The following ANKRD11 variants were observed in gnomAD, a reference collection of about 807,000 sequenced individuals.
ANKRD11 encodes ankyrin repeat domain-containing protein 11.
ANKRD11 carries 17 observed loss-of-function variants against 195.7 expected under a neutral mutation model. That is an observed-to-expected ratio of 0.09 (90% CI 0.06 to 0.13). The LOEUF is 0.13. ANKRD11 is among the 10% of genes least tolerant of loss of function. ANKRD11 has a pLI of 1.00. For synonymous variants in ANKRD11, 1,953 were observed against 1,528.1 expected, an observed-to-expected ratio of 1.28 and a Z score of -6.49; for missense variants, 3,735 against 3,566.1, an observed-to-expected ratio of 1.05 and a Z score of -1.21.
chr16:89,480,559 T>G (rs1219077437), intron 1 of ANKRD11, among the ~76,000 whole-genome samples: 2 of 152,144 alleles, frequency 1.3e-5, no homozygotes, highest in African/African-American at 4.8e-5. Context: ...TGCATAGAAG[T>G]AACAGAAGAT....
chr16:89,462,033 C>A (rs997785608), intron 1 of ANKRD11, among the ~76,000 whole-genome samples: 1 of 141,906 alleles, frequency 7.0e-6, no homozygotes, highest in Admixed American at 7.2e-5. Context: ...CCTCTCCCTC[C>A]CCCTCTCCCT....
At chr16:89,326,377 C>T (rs545246811) in intron 2 of ANKRD11, among the ~76,000 whole-genome samples, 19 of 151,922 alleles carry the variant, frequency 1.3e-4, no homozygotes, top group African/African-American at 3.9e-4. Flanking sequence ...ACGCAGCCAC[C>T]GCCCCCCCCA....
At chr16:89,440,065 C>T (rs2043380156) in intron 1 of ANKRD11, among the ~76,000 whole-genome samples, 1 of 152,200 alleles carries the variant, frequency 6.6e-6, no homozygotes, top group Non-Finnish European at 1.5e-5. Flanking sequence ...GAGGAGATCA[C>T]AGCCTTTCAG....
intron 4 of ANKRD11, chr16:89,301,079 A>G (rs2035825701): frequency 3.7e-6 from 2 of 538,664 alleles, no homozygotes; most frequent in Non-Finnish European, 6.5e-6. Flanking sequence ...AACCTCAAAA[A>G]CATTCGCTGG....
intron 2 of ANKRD11, among the ~76,000 whole-genome samples, chr16:89,318,566 C>G (rs1177408780): frequency 2.0e-5 from 2 of 100,892 alleles, no homozygotes; most frequent in South Asian, 3.4e-4. Flanking sequence ...GCAGACCCAT[C>G]TGTGAGTGGC....
At chr16:89,392,334 C>T (rs1330584601) in intron 2 of ANKRD11, 2 of 152,436 alleles carry the variant, frequency 1.3e-5, no homozygotes, top group African/African-American at 2.4e-5. Context: ...TTCAAACACA[C>T]TGATGGCCCA....
At position 89,291,969 on chromosome 16, in the gene ANKRD11, C is replaced by T. The variant is rs561986411; in HGVS notation, c.227-786G>A. Among the ~76,000 whole-genome samples the T allele has an allele frequency of 3.9e-5, 6 of 152,336 alleles. No individual in the cohort carries two copies. In the South Asian group the frequency reaches 1.2e-3, roughly 32 times the overall value. On this transcript the variant is annotated intron_variant, in intron 4 of 12. Coordinates refer to ENST00000301030, the MANE Select transcript of ANKRD11 (RefSeq NM_013275.6). This position sits in a 1 kb window ranked among gnomAD's most constrained non-coding sequence, Gnocchi z 5.3. ...GGCAGGGGCGGGGAAGAGAAGACCC[C>T]AAGCACCAAGAGTCGGGGGCACAGA...
chr16:89,366,524 A>T (rs368335115), intron 2 of ANKRD11, among the ~76,000 whole-genome samples: 2 of 152,284 alleles, frequency 1.3e-5, no homozygotes, highest in South Asian at 4.2e-4. Flanking sequence ...AGCCATGCTG[A>T]CTGGTGTGAG....
chr16:89,418,938 T>C (rs2042405999), intron 1 of ANKRD11, among the ~76,000 whole-genome samples: 1 of 151,942 alleles, frequency 6.6e-6, no homozygotes, highest in Non-Finnish European at 1.5e-5. Context: ...CCCCGGCTGA[T>C]CTGGACCTCC....
At chr16:89,287,329 T>C in intron 7 of ANKRD11, 2 of 338,078 alleles carry the variant, frequency 5.9e-6, no homozygotes, top group South Asian at 2.4e-5. Context: ...GCCTGCAAGA[T>C]GACCTAGGAC....
chr16:89,473,107 G>A (rs1285578023), intron 1 of ANKRD11, among the ~76,000 whole-genome samples: 3 of 151,836 alleles, frequency 2.0e-5, no homozygotes, highest in Admixed American at 1.3e-4. Context: ...TTGAGCCCAG[G>A]AGGTCAAGGC....
intron 2 of ANKRD11, among the ~76,000 whole-genome samples, chr16:89,346,048 G>C (rs533224336): frequency 1.6e-4 from 25 of 151,842 alleles, no homozygotes; most frequent in Admixed American, 1.6e-3. Flanking sequence ...TTGAGACCAG[G>C]CTGGCCAACA....
intron 1 of ANKRD11, among the ~76,000 whole-genome samples, chr16:89,426,959 C>T (rs536491273): frequency 1.0e-3 from 158 of 152,242 alleles, no homozygotes; most frequent in Non-Finnish European, 2.0e-3. Context: ...CACCTGTTAC[C>T]AGCCTGTCTT....
intron 2 of ANKRD11, among the ~76,000 whole-genome samples, chr16:89,405,704 G>A (rs1042235833): frequency 1.1e-4 from 17 of 151,994 alleles, no homozygotes; most frequent in African/African-American, 4.1e-4. Context: ...GACAATTCAG[G>A]AAATGCACCA....
intron 2 of ANKRD11, among the ~76,000 whole-genome samples, chr16:89,366,983 T>G (rs936378445): frequency 3.9e-5 from 6 of 152,224 alleles, no homozygotes; most frequent in African/African-American, 1.4e-4. Context: ...GTCCGCTGAT[T>G]GTGGTTTGCC....
chr16:89,398,476 T>C (rs1359340279), intron 2 of ANKRD11, among the ~76,000 whole-genome samples: 11 of 147,638 alleles, frequency 7.5e-5, no homozygotes, highest in Non-Finnish European at 7.4e-5. Flanking sequence ...CTCAGCACTC[T>C]GGAAGGCTGA....
In ANKRD11 at chr16:89,281,024, C is replaced by T. The variant is rs144003224; in HGVS notation, c.5518G>A (p.Ala1840Thr). ...GGCGACAAGCAGGCAAACTTCTCCG[C>T]GGGAACCGGGGGCAGGGGCGCCCTG... ...EDRAPLPPVPAEKFACLSPGY... is the reference protein window; with the variant it reads ...EDRAPLPPVPTEKFACLSPGY... Residue 1840 changes from alanine to threonine, a missense_variant, in exon 9 of 13, where the codon GCG becomes ACG. By Grantham distance (58) the Ala-to-Thr change is moderately conservative (BLOSUM62 0). Coordinates refer to ENST00000301030, the MANE Select transcript of ANKRD11 (RefSeq NM_013275.6). This position sits in a 1 kb window ranked among gnomAD's most constrained non-coding sequence, Gnocchi z 5.5. The T allele has an allele frequency of 5.1e-5, 82 of 1,593,548 alleles. No homozygotes were observed. The African/African-American group carries it at 5.9e-4, about 12-fold the overall frequency.
Position 89,336,709 on chromosome 16 carries a change from C to T in ANKRD11, c.-59-19631G>A, listed in dbSNP as rs573995359. Among the ~76,000 whole-genome samples, 52 of 152,314 alleles carry T rather than the reference C, an allele frequency of 3.4e-4. 1 individual carries two copies. In the South Asian group the frequency reaches 0.01, roughly 30 times the overall value. On this transcript the variant is annotated intron_variant, in intron 2 of 12. Coordinates refer to ENST00000301030, the MANE Select transcript of ANKRD11 (RefSeq NM_013275.6). ...GGAGACCCGGCCTGTCCTAAAAGCA[C>T]GCCCTACAAGGAGTCCCCACTCTCT...
chr16:89,315,490 C>T (rs1158512383), intron 3 of ANKRD11, among the ~76,000 whole-genome samples: 1 of 152,190 alleles, frequency 6.6e-6, no homozygotes, highest in Non-Finnish European at 1.5e-5. Context: ...CAGGACACGC[C>T]CATCACGACC....
Sources: gnomAD v4.1 joint callset for allele counts (sites outside exome capture counted in the v4.1 genomes callset) on GRCh38, gnomAD v4.1.1 for gene constraint, Gnocchi (gnomAD v3.1) non-coding constraint, MANE v1.5 for transcripts, NCBI Gene and HGNC (gene_info 2026-07-23, HGNC 2026-07-21) for gene names.